Variants in ATPAF1 observed in about 807,000 individuals in gnomAD.
ATPAF1 encodes ATP synthase mitochondrial F1 complex assembly factor 1.
In ATPAF1, 26 loss-of-function variants were observed where a neutral mutation model predicts 43.9. The observed-to-expected ratio is 0.59, with a 90% CI of 0.43 to 0.82. The LOEUF (loss-of-function observed/expected upper bound fraction) is 0.82, where lower values mean the gene tolerates loss of function less well. ATPAF1 is among the 40% of genes least tolerant of loss of function. The probability of loss-of-function intolerance (pLI) is 0.00; values close to 1 mark genes in which losing one functional copy is unlikely to be tolerated. For missense variants in ATPAF1, 366 were observed against 435.0 expected (o/e 0.84, Z 1.41); for synonymous variants, 157 against 168.0 (o/e 0.93, Z 0.50).
intron 2 of ATPAF1, among the ~76,000 whole-genome samples, chr1:46,661,501 A>T (rs564866674): frequency 7.2e-5 from 11 of 152,228 alleles, no homozygotes; most frequent in Non-Finnish European, 1.0e-4. Context: ...CTCACAGTGT[A>T]GTCGTGCCCT....
Position 46,668,054 on chromosome 1 carries a change from C to T in ATPAF1, c.266+3G>A, listed in dbSNP as rs1343105621. The T allele has an allele frequency of 1.4e-6, 2 of 1,406,352 alleles. No individual in the cohort carries two copies. Among genetic ancestry groups the T allele is most frequent in the Non-Finnish European group, 9.3e-7 (1 of 1,077,296 alleles). The allele number at this position is 1,406,352 out of a possible 1,614,324, so 87.1% of individuals were successfully genotyped here. A position where few individuals can be genotyped will look rare whatever the true frequency, so the allele number is the denominator to read the frequency against. On this transcript the variant is annotated splice_donor_region_variant and intron_variant, in intron 1 of 8. Coordinates refer to ENST00000574428, the Ensembl canonical transcript of ATPAF1. This position sits in a 1 kb window ranked among gnomAD's most constrained non-coding sequence, Gnocchi z 4.4. ...CCCGCCTCCAGCCAACCCAGGCCCG[C>T]ACCTGCGCAGCAGCTGGATCTTGTC... is the stretch of plus-strand genomic sequence containing the variant.
chr1:46,636,716 A>G (rs1471950448), intron 8 of ATPAF1, among the ~76,000 whole-genome samples: 2 of 151,576 alleles, frequency 1.3e-5, no homozygotes, highest in Non-Finnish European at 2.9e-5. Flanking sequence ...TGTCTGGGTA[A>G]TGTAGTGAGC....
At chr1:46,645,362 A>C (rs1285369066) in intron 6 of ATPAF1, 106 bp from the exon 7 acceptor site, 2 of 979,086 alleles carry the variant, frequency 2.0e-6, no homozygotes, top group African/African-American at 3.3e-5. Flanking sequence ...TTGGTTTTTA[A>C]AATATTTTTT....
intron 2 of ATPAF1, among the ~76,000 whole-genome samples, chr1:46,661,283 C>T (rs1433793639): frequency 6.6e-6 from 1 of 152,066 alleles, no homozygotes; most frequent in Non-Finnish European, 1.5e-5. Flanking sequence ...CACCGTGTTG[C>T]CCAGGCTGGT....
intron 6 of ATPAF1, among the ~76,000 whole-genome samples, chr1:46,649,463 G>T (rs908270314): frequency 2.2e-4 from 34 of 152,184 alleles, no homozygotes; most frequent in African/African-American, 8.0e-4. Flanking sequence ...ATCAGGAAAT[G>T]TAAGTCCTCA....
intron 8 of ATPAF1, among the ~76,000 whole-genome samples, chr1:46,639,744 T>A (rs1675913357): frequency 6.6e-6 from 1 of 152,242 alleles, no homozygotes; most frequent in African/African-American, 2.4e-5. Flanking sequence ...CAACAAGTTC[T>A]AACATGTCTA....
At chr1:46,659,216 GAAATAA>G (rs1042505455) in intron 2 of ATPAF1, among the ~76,000 whole-genome samples, 3 of 151,866 alleles carry the variant, frequency 2.0e-5, no homozygotes, top group Non-Finnish European at 4.4e-5. Context: ...TAAATAAAAA[GAAATAA>G]AAATAAAAAT....
chr1:46,663,197 G>C (rs971886850), intron 2 of ATPAF1, among the ~76,000 whole-genome samples: 1 of 152,156 alleles, frequency 6.6e-6, no homozygotes, highest in Non-Finnish European at 1.5e-5. Context: ...GGACATTTGG[G>C]TTGGTTCCAA....
downstream of ATPAF1, chr1:46,633,177 T>G (rs1346599775): frequency 6.5e-6 from 1 of 153,818 alleles, no homozygotes; most frequent in Non-Finnish European, 1.4e-5. Flanking sequence ...ATCTGCATTT[T>G]AAAAGCACTT....
In ATPAF1 at chr1:46,668,139, T is replaced by C. The variant is rs11211337; in HGVS notation, c.184A>G (p.Ser62Gly). The C allele has an allele frequency of 0.77, 1,083,391 of 1,402,060 alleles. 420,169 individuals are homozygous for C. Among genetic ancestry groups the C allele is most frequent in the East Asian group, 0.91 (29,803 of 32,642 alleles). The allele number at this position is 1,402,060 out of a possible 1,614,324, so 86.9% of individuals were successfully genotyped here. Residue 62 changes from serine to glycine, a missense_variant, in exon 1 of 9, where the codon AGC becomes GGC. Physicochemically the swap from Ser to Gly is moderately conservative, Grantham distance 56. Coordinates refer to ENST00000574428, the Ensembl canonical transcript of ATPAF1. This position sits in a 1 kb window ranked among gnomAD's most constrained non-coding sequence, Gnocchi z 4.4. ...TCGGCCTCGGCCCCGACCCCGCTGC[T>C]GTCGGCGCCCCCCTCGGGCCGGCCC...
chr1:46,636,545 A>G (rs1675844362), intron 8 of ATPAF1, among the ~76,000 whole-genome samples: 1 of 152,186 alleles, frequency 6.6e-6, no homozygotes, highest in South Asian at 2.1e-4. Context: ...ATTTTAAGAT[A>G]TTCCTCCCTT....
At chr1:46,637,875 T>C (rs1393078860) in intron 8 of ATPAF1, among the ~76,000 whole-genome samples, 1 of 152,194 alleles carries the variant, frequency 6.6e-6, no homozygotes, top group Non-Finnish European at 1.5e-5. Context: ...CAAGGTCAAG[T>C]GGCCAGCCAA....
At chr1:46,659,365 TC>T (rs36069324) in intron 2 of ATPAF1, among the ~76,000 whole-genome samples, 21,267 of 152,034 alleles carry the variant, frequency 0.14, 3,813 homozygotes, top group African/African-American at 0.4. Flanking sequence ...AGGGATTTCT[TC>T]CCAGAATTAG....
At chr1:46,659,983 T>C (rs915517772) in intron 2 of ATPAF1, among the ~76,000 whole-genome samples, 6 of 151,236 alleles carry the variant, frequency 4.0e-5, no homozygotes, top group East Asian at 1.9e-4. Context: ...TTCTTTCTTT[T>C]TTTTTTTTTT....
chr1:46,655,083 A>G (rs1007041339), intron 4 of ATPAF1, among the ~76,000 whole-genome samples: 2 of 152,088 alleles, frequency 1.3e-5, no homozygotes, highest in African/African-American at 4.8e-5. Context: ...CAAAAGGGGG[A>G]AAAGCCCCCT....
At chr1:46,665,849 A>G (rs917236552) in intron 1 of ATPAF1, 8 of 1,426,214 alleles carry the variant, frequency 5.6e-6, no homozygotes, top group Middle Eastern at 5.1e-4. Flanking sequence ...CAGAAGATTT[A>G]GCATCTGAGT....
Position 46,668,346 on chromosome 1 carries a change from C to G in ATPAF1, c.-24G>C. 1 of 1,335,526 alleles carries G rather than the reference C, an allele frequency of 7.5e-7. No individual in the cohort carries two copies. The highest frequency in any genetic ancestry group is 9.6e-7 in the Non-Finnish European group (1 of 1,039,228). 82.7% of individuals were successfully genotyped at this position (1,335,526 alleles called of 1,614,324 possible). On this transcript the variant is annotated 5_prime_UTR_variant, in exon 1 of 9. Coordinates refer to ENST00000574428, the Ensembl canonical transcript of ATPAF1. The surrounding 1 kb of genome is among the most constrained non-coding windows in gnomAD (Gnocchi z 4.4). ...ATGGCCGCCCCCGCCTCCTCCTCCT[C>G]CTCAGGCGCGTCGGCCTCGGCCCGC... is the stretch of plus-strand genomic sequence containing the variant.
chr1:46,646,869 A>C (rs1453589051), intron 6 of ATPAF1, among the ~76,000 whole-genome samples: 1 of 152,112 alleles, frequency 6.6e-6, no homozygotes, highest in Non-Finnish European at 1.5e-5. Context: ...TACTGTCCCT[A>C]AGCAACCACT....
intron 2 of ATPAF1, chr1:46,663,908 T>G (rs1289404620): frequency 2.3e-6 from 3 of 1,284,920 alleles, no homozygotes; most frequent in South Asian, 1.2e-5. Flanking sequence ...TACACCAGTT[T>G]GTTCTGTGCA....
Sources: gnomAD v4.1 joint callset for allele counts (sites outside exome capture counted in the v4.1 genomes callset) on GRCh38, gnomAD v4.1.1 for gene constraint, Gnocchi (gnomAD v3.1) non-coding constraint, MANE v1.5 for transcripts, NCBI Gene and HGNC (gene_info 2026-07-23, HGNC 2026-07-21) for gene names.